Variants in KCNH8 observed in about 807,000 individuals in gnomAD.
KCNH8 encodes potassium voltage-gated channel subfamily H member 8, also known as voltage-gated delayed rectifier potassium channel KCNH8.
Under a neutral mutation model 103.6 loss-of-function variants are expected in KCNH8, and 70 were observed. The observed-to-expected ratio is 0.68, with a 90% confidence interval of 0.56 to 0.82. KCNH8 has a LOEUF of 0.82. KCNH8 is among the 40% of genes least tolerant of loss of function. The pLI is 0.00. For synonymous variants in KCNH8, 498 were observed against 489.4 expected (o/e 1.02, Z -0.23); for missense variants, 1,217 against 1,329.9 (o/e 0.92, Z 1.32).
chr3:19,415,115 C>T (rs1363272922), intron 7 of KCNH8, among the ~76,000 whole-genome samples: 3 of 151,868 alleles, frequency 2.0e-5, no homozygotes, highest in African/African-American at 7.3e-5. Context: ...TATTTTGTCT[C>T]ATTAACTTCT....
chr3:19,190,530 T>C (rs2063541577), intron 1 of KCNH8, among the ~76,000 whole-genome samples: 1 of 152,020 alleles, frequency 6.6e-6, no homozygotes, highest in African/African-American at 2.4e-5. Flanking sequence ...GAATAAAATA[T>C]ATAAACCTGG....
chr3:19,164,635 A>C (rs1040068747), intron 1 of KCNH8, among the ~76,000 whole-genome samples: 4 of 152,218 alleles, frequency 2.6e-5, no homozygotes, highest in Non-Finnish European at 5.9e-5. Flanking sequence ...GTAAGGCATT[A>C]AATTTATGAT....
chr3:19,492,212 C>T (rs748960202), intron 11 of KCNH8, among the ~76,000 whole-genome samples: 2 of 152,080 alleles, frequency 1.3e-5, no homozygotes, highest in Non-Finnish European at 2.9e-5. Context: ...GTTTTCACTG[C>T]AATTGCTTTT....
chr3:19,320,188 G>A (rs1024859744), intron 3 of KCNH8, among the ~76,000 whole-genome samples: 1 of 151,920 alleles, frequency 6.6e-6, no homozygotes, highest in Non-Finnish European at 1.5e-5. Context: ...GGGACTTCCA[G>A]TACTATGTTG....
At chr3:19,258,658 T>C (rs1000032150) in intron 2 of KCNH8, among the ~76,000 whole-genome samples, 1 of 151,826 alleles carries the variant, frequency 6.6e-6, no homozygotes, top group African/African-American at 2.4e-5. Flanking sequence ...TGAGTGAAGA[T>C]TGAACTTTAT....
intron 11 of KCNH8, among the ~76,000 whole-genome samples, chr3:19,488,937 G>A (rs988285677): frequency 6.6e-6 from 1 of 152,148 alleles, no homozygotes; most frequent in Non-Finnish European, 1.5e-5. Context: ...AAAGCTTGAG[G>A]CTTTTTGGTA....
chr3:19,401,496 T>G (rs181796435), intron 7 of KCNH8, among the ~76,000 whole-genome samples: 45 of 152,152 alleles, frequency 3.0e-4, no homozygotes, highest in African/African-American at 1.0e-3. Context: ...CAATTTATAT[T>G]ACTGTTAGTT....
At chr3:19,309,705 G>C (rs1047633173) in intron 3 of KCNH8, among the ~76,000 whole-genome samples, 39 of 151,856 alleles carry the variant, frequency 2.6e-4, no homozygotes, top group African/African-American at 9.4e-4. Flanking sequence ...CAAAGGAATT[G>C]ATAGTTTCAG....
At chr3:19,321,979 T>G (rs986363620) in intron 3 of KCNH8, among the ~76,000 whole-genome samples, 15 of 151,936 alleles carry the variant, frequency 9.9e-5, no homozygotes, top group African/African-American at 1.4e-4. Flanking sequence ...AGTTTGTGGG[T>G]TTTTTTGTCT....
At position 19,331,481 on chromosome 3, in the gene KCNH8, C is replaced by T. The variant is rs532606643; in HGVS notation, c.443-11106C>T. Among the ~76,000 whole-genome samples, 184 of 151,870 alleles carry T rather than the reference C, an allele frequency of 1.2e-3. 2 individuals carry two copies. Among genetic ancestry groups the T allele is most frequent in the African/African-American group, 3.8e-3 (157 of 41,434 alleles). ...TAATTTTTTGTATTTTTAGTAGAGA[C>T]GAGGTTTCACCATCTTGGCCAGGAT... On this transcript the variant is annotated intron_variant, in intron 3 of 15. Coordinates refer to ENST00000328405, the MANE Select transcript of KCNH8 (RefSeq NM_144633.3).
At chr3:19,327,711 G>A (rs2065442896) in intron 3 of KCNH8, among the ~76,000 whole-genome samples, 1 of 152,158 alleles carries the variant, frequency 6.6e-6, no homozygotes, top group Non-Finnish European at 1.5e-5. Flanking sequence ...GGTTTCTCAG[G>A]TTATAAGGAG....
At chr3:19,406,553 G>T (rs957125625) in intron 7 of KCNH8, among the ~76,000 whole-genome samples, 4 of 151,988 alleles carry the variant, frequency 2.6e-5, no homozygotes, top group African/African-American at 9.7e-5. Flanking sequence ...TGTCATTTGG[G>T]CAATGTTCTA....
Position 19,155,897 on chromosome 3 carries a change from T to C in KCNH8, c.76+7102T>C, listed in dbSNP as rs143275752. Among the ~76,000 whole-genome samples, 522 of 152,328 alleles carry C rather than the reference T, an allele frequency of 3.4e-3. 4 individuals carry two copies. Among genetic ancestry groups the C allele is most frequent in the African/African-American group, 0.012 (493 of 41,584 alleles). On this transcript the variant is annotated intron_variant, in intron 1 of 15. Transcript: ENST00000328405. ...CATGAACTCCTTGAAGCCTTAACTA[T>C]GTCATTACTCCCATTGCTTAGACTT...
rs144395084 is a variant in KCNH8, at chr3:19,342,081, C to A, written c.443-506C>A. On this transcript the variant is annotated intron_variant, in intron 3 of 15. Transcript: ENST00000328405. Reference sequence around the variant, plus strand: ...AATCTTAACATAGTATGCTATTAGCCATTTAAAAAATAGAGAACTATAATA... The same window carrying A: ...AATCTTAACATAGTATGCTATTAGCAATTTAAAAAATAGAGAACTATAATA... 1.6e-4 allele frequency among the ~76,000 whole-genome samples: 24 copies of A among 151,960 alleles called. 1 individual carries two copies. In the East Asian group the frequency reaches 3.9e-3, roughly 25 times the overall value.
intron 3 of KCNH8, among the ~76,000 whole-genome samples, chr3:19,318,005 G>A (rs569861012): frequency 6.6e-5 from 10 of 152,010 alleles, no homozygotes; most frequent in South Asian, 2.1e-4. Flanking sequence ...GAAATAAAGC[G>A]TATTCAAATA....
chr3:19,494,733 G>A (rs1426644963), intron 11 of KCNH8, among the ~76,000 whole-genome samples: 3 of 152,090 alleles, frequency 2.0e-5, no homozygotes, highest in East Asian at 3.9e-4. Flanking sequence ...TGGGATTGCT[G>A]GATCAAATGG....
At chr3:19,499,626 C>T (rs571313125) in intron 11 of KCNH8, among the ~76,000 whole-genome samples, 1 of 152,200 alleles carries the variant, frequency 6.6e-6, no homozygotes, top group African/African-American at 2.4e-5. Context: ...AGAGTGGGGG[C>T]CAATATTCAA....
At chr3:19,292,838 C>G (rs1395995226) in intron 3 of KCNH8, among the ~76,000 whole-genome samples, 1 of 152,158 alleles carries the variant, frequency 6.6e-6, no homozygotes, top group African/African-American at 2.4e-5. Context: ...TGAGGGTTCT[C>G]CTTTGTTTGT....
At chr3:19,216,741 C>G (rs2063821936) in intron 1 of KCNH8, among the ~76,000 whole-genome samples, 1 of 152,182 alleles carries the variant, frequency 6.6e-6, no homozygotes, top group Non-Finnish European at 1.5e-5. Flanking sequence ...ACATCAGGAA[C>G]CCCTTTTATG....
Sources: allele counts gnomAD v4.1 joint callset (sites outside exome capture counted in the v4.1 genomes callset), GRCh38; gene constraint gnomAD v4.1.1; transcripts MANE v1.5; gene names NCBI Gene and HGNC (gene_info 2026-07-23, HGNC 2026-07-21).